The following TTC33 variants were observed in gnomAD, a reference collection of about 807,000 sequenced individuals.
The protein encoded by TTC33 is tetratricopeptide repeat protein 33.
TTC33 carries 24 observed loss-of-function variants against 29.4 expected under a neutral mutation model. That is an observed-to-expected ratio of 0.82 (90% CI 0.59 to 1.15). The LOEUF (loss-of-function observed/expected upper bound fraction) is 1.15, where lower values mean the gene tolerates loss of function less well. TTC33 is among the 50% of genes most tolerant of loss of function. The pLI is 0.00. For missense variants in TTC33, 286 were observed against 310.4 expected, an observed-to-expected ratio of 0.92 and a Z score of 0.59; for synonymous variants, 107 against 100.3, an observed-to-expected ratio of 1.07 and a Z score of -0.40.
intron 4 of TTC33, 151 bp from the exon 5 acceptor site, chr5:40,716,649 G>A (rs1742007565): frequency 6.8e-6 from 4 of 589,492 alleles, no homozygotes; most frequent in Non-Finnish European, 1.2e-5. Context: ...AAGCTACGGT[G>A]TTGCCCTAAA....
intron 1 of TTC33, among the ~76,000 whole-genome samples, chr5:40,748,894 G>T (rs1742847127): frequency 6.6e-6 from 1 of 152,124 alleles, no homozygotes; most frequent in Non-Finnish European, 1.5e-5. Context: ...TAGCACTTTG[G>T]GAGGCCAAGG....
intron 2 of TTC33, among the ~76,000 whole-genome samples, chr5:40,742,178 C>A (rs902734926): frequency 2.6e-5 from 4 of 151,990 alleles, no homozygotes; most frequent in Admixed American, 2.6e-4. Flanking sequence ...TCTCTCATGG[C>A]TGTCAGTAGA....
intron 4 of TTC33, among the ~76,000 whole-genome samples, chr5:40,720,319 A>G (rs1039265983): frequency 2.0e-5 from 3 of 152,280 alleles, no homozygotes; most frequent in South Asian, 2.1e-4. Context: ...TTCCCCCATT[A>G]AATTGTCTTG....
intron 2 of TTC33, among the ~76,000 whole-genome samples, chr5:40,731,796 C>G (rs146284041): frequency 6.6e-6 from 1 of 152,320 alleles, no homozygotes; most frequent in African/African-American, 2.4e-5. Context: ...AAGGCTCCTC[C>G]TCTAAGACCA....
chr5:40,755,161 T>TTGTTACAA (rs1742962049), intron 1 of TTC33, among the ~76,000 whole-genome samples: 1 of 152,192 alleles, frequency 6.6e-6, no homozygotes, highest in Non-Finnish European at 1.5e-5. Flanking sequence ...ATCCCTATAG[T>TTGTTACAA]AGGCGCTCAA....
chr5:40,750,127 T>C (rs1053950814), intron 1 of TTC33, among the ~76,000 whole-genome samples: 2 of 151,968 alleles, frequency 1.3e-5, no homozygotes, highest in African/African-American at 4.8e-5. Flanking sequence ...TTTAAAAATA[T>C]TTTATTGCTA....
chr5:40,748,481 C>T (rs1742841003), intron 1 of TTC33, among the ~76,000 whole-genome samples: 1 of 152,190 alleles, frequency 6.6e-6, no homozygotes, highest in African/African-American at 2.4e-5. Flanking sequence ...CAGGCGTGAG[C>T]CACCGCACCT....
rs1007140729 is a variant in TTC33, at chr5:40,715,112, T to A, written c.*1033A>T. The A allele has an allele frequency of 6.6e-6, 1 of 152,086 alleles. No homozygotes were observed. The highest frequency in any genetic ancestry group is 1.5e-5 in the Non-Finnish European group (1 of 67,948). The allele number at this position is 152,086 out of a possible 1,614,324, so 9.4% of individuals were successfully genotyped here. A position where few individuals can be genotyped will look rare whatever the true frequency, so the allele number is the denominator to read the frequency against. On this transcript the variant is annotated 3_prime_UTR_variant, in exon 5 of 5. Transcript: ENST00000337702. Reference sequence around the variant, plus strand: ...TGTATTTTGTGCTTAAGTTATTTATTCATTGGCACTCTAATAACAGCCCTA... The same window carrying A: ...TGTATTTTGTGCTTAAGTTATTTATACATTGGCACTCTAATAACAGCCCTA...
Position 40,746,992 on chromosome 5 carries a change from T to G in TTC33, c.27A>C (p.Lys9Asn). 2 of 1,613,928 alleles carry G rather than the reference T, an allele frequency of 1.2e-6. No homozygotes were observed. Among genetic ancestry groups the G allele is most frequent in the Non-Finnish European group, 1.7e-6 (2 of 1,179,952 alleles). Reference protein sequence around the residue: MASFGWKRKIGEKVSKVTS... With the variant: MASFGWKRNIGEKVSKVTS... ...TGACCTTTGAGACCTTCTCACCAAT[T>G]TTCCTCTTCCACCCAAAGGAAGCCA... The change falls in exon 2 of 5, where the codon AAA (lysine) becomes AAC (asparagine). Residue 9 changes from lysine to asparagine, a missense_variant. Transcript: ENST00000337702.
chr5:40,721,953 T>C (rs1742144053), intron 4 of TTC33, among the ~76,000 whole-genome samples: 1 of 152,180 alleles, frequency 6.6e-6, no homozygotes, highest in Non-Finnish European at 1.5e-5. Flanking sequence ...AAAAACCTAG[T>C]AACCTGATCT....
intron 2 of TTC33, among the ~76,000 whole-genome samples, chr5:40,732,298 T>A (rs1001566836): frequency 1.3e-5 from 2 of 152,038 alleles, no homozygotes; most frequent in Non-Finnish European, 2.9e-5. Flanking sequence ...ATTACAGGGG[T>A]GAGCCACCAT....
intron 2 of TTC33, among the ~76,000 whole-genome samples, chr5:40,731,329 A>AT (rs779638440): frequency 2.1e-4 from 32 of 151,480 alleles, no homozygotes; most frequent in Non-Finnish European, 4.3e-4. Context: ...CCCTACCCAC[A>AT]TATCATGCCT....
At chr5:40,745,788 G>A (rs1742778374) in intron 2 of TTC33, among the ~76,000 whole-genome samples, 1 of 151,180 alleles carries the variant, frequency 6.6e-6, no homozygotes, top group Admixed American at 6.6e-5. Context: ...AGGGTGGAGG[G>A]CAGTGGCAAG....
At chr5:40,718,342 G>T (rs1742051081) in intron 4 of TTC33, among the ~76,000 whole-genome samples, 1 of 152,122 alleles carries the variant, frequency 6.6e-6, no homozygotes, top group Non-Finnish European at 1.5e-5. Flanking sequence ...GGAGGCAGAG[G>T]TTACAGTGAG....
rs1019799046 is a variant in TTC33, at chr5:40,738,954, G to A, written c.221+7844C>T. On this transcript the variant is annotated intron_variant, in intron 2 of 4. Transcript: ENST00000337702. Reference sequence around the variant, plus strand: ...TCTATACTCTGGAAACAAGTCCTACGTCAGATATATGGACTGGAAATATTT... The same window carrying A: ...TCTATACTCTGGAAACAAGTCCTACATCAGATATATGGACTGGAAATATTT... Among the ~76,000 whole-genome samples, 4 of 152,178 alleles carry A rather than the reference G, an allele frequency of 2.6e-5. No homozygotes were observed. The East Asian group carries it at 5.8e-4, about 22-fold the overall frequency.
chr5:40,728,439 T>C lies in TTC33; in HGVS notation c.341A>G (p.His114Arg), dbSNP rs1326849024. The change falls in exon 4 of 5, where the codon CAT becomes CGT. Residue 114 changes from histidine (H) to arginine (R), a missense_variant. Coordinates refer to ENST00000337702, the MANE Select transcript of TTC33 (RefSeq NM_012382.3). ...TTGCTGGACGGCCATTTCTGCTGCA[T>C]GTACTGCTGGGAACATTTCATGAAG... ...MSLHEMFPAV[H>R]AAEMAVQQNP... 6.2e-7 allele frequency: 1 copy of C among 1,613,550 alleles called. No individual in the cohort carries two copies. Among genetic ancestry groups the C allele is most frequent in the Non-Finnish European group, 8.5e-7 (1 of 1,179,886 alleles).
chr5:40,734,677 T>C (rs939561686), intron 2 of TTC33, among the ~76,000 whole-genome samples: 1 of 152,234 alleles, frequency 6.6e-6, no homozygotes, highest in African/African-American at 2.4e-5. Flanking sequence ...ATGAGCTATA[T>C]AGTTAACAGC....
rs2329351 is a variant in TTC33 at position 40,712,465 on chromosome 5, C to A, written c.*3680G>T. Among the ~76,000 whole-genome samples the A allele has an allele frequency of 0.015, 2,266 of 152,196 alleles. 61 individuals are homozygous for A. The highest frequency in any genetic ancestry group is 0.052 in the African/African-American group (2,151 of 41,526). ...GAGATTCAATATTTTAAGTTTACTG[C>A]TGAAAAAGGCTAGGTTAGAGGATGT... On this transcript the variant is annotated 3_prime_UTR_variant, in exon 5 of 5. Coordinates refer to ENST00000337702, the MANE Select transcript of TTC33 (RefSeq NM_012382.3).
chr5:40,722,702 C>A (rs974132461), intron 4 of TTC33, among the ~76,000 whole-genome samples: 3 of 151,914 alleles, frequency 2.0e-5, no homozygotes, highest in African/African-American at 7.2e-5. Flanking sequence ...AGGAGCGTCT[C>A]CGCCCGGCCA....
Sources: gnomAD v4.1 joint callset for allele counts (sites outside exome capture counted in the v4.1 genomes callset) on GRCh38, gnomAD v4.1.1 for gene constraint, MANE v1.5 for transcripts, NCBI Gene and HGNC (gene_info 2026-07-23, HGNC 2026-07-21) for gene names.